GPR108: variants seen among roughly 807,000 people sequenced by gnomAD.
The protein encoded by GPR108 is G protein-coupled receptor 108, also known as protein GPR108.
In GPR108, 60 loss-of-function variants were observed where a neutral mutation model predicts 74.3. The observed-to-expected ratio is 0.81, with a 90% CI of 0.66 to 1.00. The LOEUF is 1.00. Among genes scored for constraint, GPR108 ranks in the 50% least tolerant of loss-of-function variants. The pLI, the probability that GPR108 is intolerant of heterozygous loss-of-function variation, is 0.00. For missense variants in GPR108, 667 were observed against 703.3 expected (o/e 0.95, Z 0.58); for synonymous variants, 311 against 292.4 (o/e 1.06, Z -0.65).
Position 6,730,261 on chromosome 19 carries a change from A to G in GPR108, c.*51T>C, listed in dbSNP as rs773511118. On this transcript the variant is annotated 3_prime_UTR_variant, in exon 18 of 18. Transcript: ENST00000264080. Reference sequence around the variant, plus strand: ...ACATACGCTGTGGAAGAAGGGCAGGAGTGAGAAATGCTGGGGGAGGACGAC... The same window carrying G: ...ACATACGCTGTGGAAGAAGGGCAGGGGTGAGAAATGCTGGGGGAGGACGAC... 12 of 1,504,584 alleles carry G rather than the reference A, an allele frequency of 8.0e-6. No individual in the cohort carries two copies. The highest frequency in any genetic ancestry group is 1.1e-5 in the Non-Finnish European group (12 of 1,080,218). 93.2% of individuals were successfully genotyped at this position (1,504,584 alleles called of 1,614,324 possible).
In GPR108 at chr19:6,731,188, C is replaced by T; in HGVS notation, c.1434+11G>A. ...GGCCGCCCTCCCGTCCCACCTGGGC[C>T]TCGGGCTCACCTGGTACAGCCACTG... is the stretch of plus-strand genomic sequence containing the variant. On this transcript the variant is annotated intron_variant, in intron 16 of 17. Transcript: ENST00000264080. 2.5e-6 allele frequency: 4 copies of T among 1,599,212 alleles called. No individual in the cohort carries two copies. The highest frequency in any genetic ancestry group is 1.7e-6 in the Non-Finnish European group (2 of 1,170,664).
At chr19:6,732,440 T>C (rs1171421804) in intron 11 of GPR108, 36 bp downstream of exon 11, 2 of 1,610,574 alleles carry the variant, frequency 1.2e-6, no homozygotes, top group African/African-American at 1.3e-5. Context: ...CCTGCCTGCC[T>C]CCCCCCAGCT....
Position 6,732,352 on chromosome 19 carries a change from T to C in GPR108, c.1036A>G (p.Ile346Val). Residue 346 changes from isoleucine (I) to valine (V), a missense_variant, in exon 12 of 18, where the codon ATC (isoleucine) becomes GTC (valine). Physicochemically the swap from Ile to Val is conservative, Grantham distance 29. Coordinates refer to ENST00000264080, the MANE Select transcript of GPR108 (RefSeq NM_001080452.2). ...LLKGALLFIT[I>V]ALIGSGWAFI... is the part of the protein sequence containing the mutation. ...GCCCAGCCTGAGCCAATCAGGGCGA[T>C]GGTGATGAAGAGGAGGGCGCCCTTC... The C allele has an allele frequency of 6.2e-7, 1 of 1,613,394 alleles. No homozygotes were observed. Among genetic ancestry groups the C allele is most frequent in the African/African-American group, 1.3e-5 (1 of 75,024 alleles).
rs780243963 is a variant in GPR108 at position 6,730,195 on chromosome 19, G to C, written c.*117C>G. ...CTTGTCCGGGAACCGGGGTCCCGGG[G>C]AGCTGGGCGCCTGGTCCACATGGAC... On this transcript the variant is annotated 3_prime_UTR_variant, in exon 18 of 18. Transcript: ENST00000264080. 1.0e-6 allele frequency: 1 copy of C among 953,184 alleles called. No individual in the cohort carries two copies. Among genetic ancestry groups the C allele is most frequent in the South Asian group, 1.4e-5 (1 of 71,870 alleles). The allele number at this position is 953,184 out of a possible 1,614,324, so 59.0% of individuals were successfully genotyped here.
At position 6,737,471 on chromosome 19, in the gene GPR108, G is replaced by A; in HGVS notation, c.106C>T (p.Gln36Ter). 2 of 1,585,714 alleles carry A rather than the reference G, an allele frequency of 1.3e-6. No homozygotes were observed. Among genetic ancestry groups the A allele is most frequent in the Non-Finnish European group, 1.7e-6 (2 of 1,174,154 alleles). The change falls in exon 1 of 18, where the codon CAG (glutamine) becomes TAG (stop). Residue 36 changes from glutamine to a stop codon, truncating the protein, a stop_gained. Coordinates refer to ENST00000264080, the MANE Select transcript of GPR108 (RefSeq NM_001080452.2). LOFTEE classifies it high-confidence loss of function. ...GCGGGCCTCACCGTCAGCGCCAGCT[G>A]GTGGATGCGCCCGGAGCAGCCACCC... ...LLGGCSGRIHQLALTGEKRAD... is the reference protein window; with the variant it reads ...LLGGCSGRIH
chr19:6,730,202 G>A lies in GPR108; in HGVS notation c.*110C>T, dbSNP rs1451038466. 1 of 1,024,686 alleles carries A rather than the reference G, an allele frequency of 9.8e-7. No homozygotes were observed. The highest frequency in any genetic ancestry group is 2.4e-5 in the East Asian group (1 of 41,746). The allele number at this position is 1,024,686 out of a possible 1,614,324, so 63.5% of individuals were successfully genotyped here. ...GGGAACCGGGGTCCCGGGGAGCTGG[G>A]CGCCTGGTCCACATGGACCCCCTCC... On this transcript the variant is annotated 3_prime_UTR_variant, in exon 18 of 18. Coordinates refer to ENST00000264080, the MANE Select transcript of GPR108 (RefSeq NM_001080452.2).
intron 1 of GPR108, 83 bp downstream of exon 1, chr19:6,737,374 C>A: frequency 2.1e-6 from 3 of 1,449,220 alleles, no homozygotes; most frequent in South Asian, 2.6e-5. Flanking sequence ...CGGGGGAGGG[C>A]GGACGAGACC....
intron 3 of GPR108, 56 bp from the exon 4 acceptor site, chr19:6,735,760 C>T (rs1293341703): frequency 1.3e-6 from 2 of 1,571,378 alleles, no homozygotes; most frequent in African/African-American, 2.7e-5. Flanking sequence ...GGTCCAGCTC[C>T]ACCCTGTCTC....
At position 6,733,643 on chromosome 19, in the gene GPR108, T is replaced by C; in HGVS notation, c.650A>G (p.Glu217Gly). 5 of 1,614,170 alleles carry C rather than the reference T, an allele frequency of 3.1e-6. No individual in the cohort carries two copies. The highest frequency in any genetic ancestry group is 4.2e-6 in the Non-Finnish European group (5 of 1,180,024). The change falls in exon 8 of 18, where the codon GAA becomes GGA. Residue 217 changes from glutamate to glycine, a missense_variant. Physicochemically the swap from Glu to Gly is moderately conservative, Grantham distance 98. Coordinates refer to ENST00000264080, the MANE Select transcript of GPR108 (RefSeq NM_001080452.2). ...FHVVIGSQAE[E>G]GQYSLNFHNC... ...GTGGAAGTTCAGGCTGTACTGGCCT[T>C]CTTCCGCCTGAGAGCCGATCACCAC...
chr19:6,736,725 A>AG lies in GPR108; in HGVS notation c.121-15dup. 6.2e-7 allele frequency: 1 copy of AG among 1,613,924 alleles called. No individual in the cohort carries two copies. The highest frequency in any genetic ancestry group is 8.5e-7 in the Non-Finnish European group (1 of 1,179,924). ...TCGCTTCTCCCCCTGCCGGAGACCAAGGAGGCAGAGGCAGTTCAGACCTCT... is the reference window on the plus strand; with the variant it reads ...TCGCTTCTCCCCCTGCCGGAGACCAAGGGAGGCAGAGGCAGTTCAGACCTCT... On this transcript the variant is annotated splice_polypyrimidine_tract_variant and intron_variant, in intron 1 of 17. Transcript: ENST00000264080.
chr19:6,731,205 C>A lies in GPR108; in HGVS notation c.1428G>T (p.Leu476=). ...ACCTGGGCCTCGGGCTCACCTGGTACAGCCACTGCCACTGAAAGGGCACAG... is the reference window on the plus strand; with the variant it reads ...ACCTGGGCCTCGGGCTCACCTGGTAAAGCCACTGCCACTGAAAGGGCACAG... ...QVAVPFQWQW[L]YQLLVEGSTL... is the part of the protein sequence containing the mutation. Residue 476 remains leucine, a synonymous_variant, in exon 16 of 18, where the codon CTG becomes CTT. Transcript: ENST00000264080. The A allele has an allele frequency of 6.3e-7, 1 of 1,582,874 alleles. No homozygotes were observed. The highest frequency in any genetic ancestry group is 1.1e-5 in the South Asian group (1 of 88,244).
rs909294039 is a variant in GPR108, at chr19:6,733,009, C to T, written c.911G>A (p.Ser304Asn). The T allele has an allele frequency of 1.2e-6, 2 of 1,607,082 alleles. No individual in the cohort carries two copies. The highest frequency in any genetic ancestry group is 2.7e-5 in the African/African-American group (2 of 74,852). ...CACGCTGTGGAAGAGGAGAGAGATGCTCTTGGTGAAGGCCAAGGCCGCCAT... is the reference window on the plus strand; with the variant it reads ...CACGCTGTGGAAGAGGAGAGAGATGTTCTTGGTGAAGGCCAAGGCCGCCAT... ...WLMAALAFTK[S>N]ISLLFHSINY... Residue 304 changes from serine to asparagine, a missense_variant, in exon 10 of 18, where the codon AGC (serine) becomes AAC (asparagine). Coordinates refer to ENST00000264080, the MANE Select transcript of GPR108 (RefSeq NM_001080452.2).
At chr19:6,735,549 C>G in intron 4 of GPR108, 73 bp downstream of exon 4, 3 of 1,293,110 alleles carry the variant, frequency 2.3e-6, no homozygotes, top group Non-Finnish European at 3.4e-6. Context: ...CCTGATCAGC[C>G]CAGGTGCGTG....
intron 15 of GPR108, 34 bp from the exon 16 acceptor site, chr19:6,731,316 T>G: frequency 6.5e-7 from 1 of 1,528,066 alleles, no homozygotes. Flanking sequence ...GGGCCAGGAC[T>G]GTAGGGGCAC....
intron 14 of GPR108, 27 bp from the exon 15 acceptor site, chr19:6,731,549 CA>C: frequency 6.8e-6 from 3 of 443,604 alleles, no homozygotes; most frequent in South Asian, 7.7e-5. Context: ...AGAGGGCGGT[CA>C]GGGGAGACTG....
Position 6,732,311 on chromosome 19 carries a change from G to A in GPR108, c.1077C>T (p.Val359=). Residue 359 remains valine (V), a synonymous_variant, in exon 12 of 18, where the codon GTC becomes GTT. Coordinates refer to ENST00000264080, the MANE Select transcript of GPR108 (RefSeq NM_001080452.2). ...IGSGWAFIKY[V]LSDKEKKVFG... The stretch of plus-strand genomic sequence containing the variant: ...AGACCTTCTTCTCCTTATCCGACAG[G>A]ACGTACTTGATGAAGGCCCAGCCTG... The A allele has an allele frequency of 1.9e-6, 3 of 1,613,308 alleles. No individual in the cohort carries two copies. The highest frequency in any genetic ancestry group is 2.5e-6 in the Non-Finnish European group (3 of 1,180,032).
rs77129469 is a variant in GPR108, at chr19:6,735,448, G to T, written c.374+174C>A. ...CTTCTGCCCTGAGACACCAACACCCGCGGAGTCCCTCTCTCCTTCCTTCCA... is the reference window on the plus strand; with the variant it reads ...CTTCTGCCCTGAGACACCAACACCCTCGGAGTCCCTCTCTCCTTCCTTCCA... On this transcript the variant is annotated intron_variant, in intron 4 of 17. Coordinates refer to ENST00000264080, the MANE Select transcript of GPR108 (RefSeq NM_001080452.2). 7.2e-3 allele frequency: 4,355 copies of T among 605,918 alleles called. 143 individuals are homozygous for T. In the African/African-American group the frequency reaches 0.072, roughly 10 times the overall value. 37.5% of individuals were successfully genotyped at this position (605,918 alleles called of 1,614,324 possible).
At chr19:6,733,977 C>T (rs1327981457) in intron 6 of GPR108, 28 bp downstream of exon 6, 1 of 1,614,126 alleles carries the variant, frequency 6.2e-7, no homozygotes, top group Non-Finnish European at 8.5e-7. Flanking sequence ...GGGTGTGCAT[C>T]TTCCCTCCTG....
Position 6,733,162 on chromosome 19 carries a change from C to T in GPR108, c.857+6G>A, listed in dbSNP as rs1968490989. ...CGTGGGGGACCCTCAGGGGCAGGGG[C>T]ATTACGTGTTCCTGCAGAGGATGGA... On this transcript the variant is annotated splice_donor_region_variant and intron_variant, in intron 9 of 17. Coordinates refer to ENST00000264080, the MANE Select transcript of GPR108 (RefSeq NM_001080452.2). The T allele has an allele frequency of 6.2e-7, 1 of 1,613,950 alleles. No homozygotes were observed. The highest frequency in any genetic ancestry group is 1.3e-5 in the African/African-American group (1 of 75,018).
Sources: gnomAD v4.1 joint callset for allele counts on GRCh38, gnomAD v4.1.1 for gene constraint, MANE v1.5 for transcripts, NCBI Gene and HGNC (gene_info 2026-07-23, HGNC 2026-07-21) for gene names.